CHPT1: variants seen among roughly 807,000 people sequenced by gnomAD.
The protein encoded by CHPT1 is choline phosphotransferase 1.
A neutral mutation model predicts 47.6 loss-of-function variants in CHPT1; 36 were observed. The ratio of observed to expected loss-of-function variants is 0.76; its 90% CI spans 0.58 to 1.00. The LOEUF (loss-of-function observed/expected upper bound fraction) is 1.00. Among genes scored for constraint, CHPT1 ranks in the 50% least tolerant of loss-of-function variants. The pLI, the probability that CHPT1 is intolerant of heterozygous loss-of-function variation, is 0.00. For synonymous variants in CHPT1, 194 were observed against 186.3 expected (o/e 1.04, Z -0.33); for missense variants, 458 against 498.1 (o/e 0.92, Z 0.77).
At chr12:101,723,573 G>A in intron 6 of CHPT1, 149 bp from the exon 7 acceptor site, 1 of 624,398 alleles carries the variant, frequency 1.6e-6, no homozygotes, top group East Asian at 3.0e-5. Flanking sequence ...CTACCCAGTT[G>A]TGAATTTGAG....
rs760019765 is a variant in CHPT1, at chr12:101,729,007, ATTTG to A, written c.*66_*69del. 3.7e-6 allele frequency: 6 copies of A among 1,613,160 alleles called. No individual in the cohort carries two copies. The South Asian group carries it at 4.4e-5, about 12-fold the overall frequency. ...TGTTTCATGGAAGGAGATATTAAAC[ATTTG>A]TTTAATTTTTATTTAAGTGTTATAC... is the stretch of plus-strand genomic sequence containing the variant. On this transcript the variant is annotated 3_prime_UTR_variant, in exon 9 of 9. Transcript: ENST00000229266.
In CHPT1 at chr12:101,723,786, T is replaced by C. The variant is rs757710976; in HGVS notation, c.1004T>C (p.Leu335Ser). The change falls in exon 7 of 9, where the codon TTG becomes TCG. Residue 335 changes from leucine (L) to serine (S), a missense_variant. Transcript: ENST00000229266. ...ACTGTCTTTTTGGGGCCAGGTCTTT[T>C]GTTTTTAGACCAGTACTTTAATAAC... ...QDTVFLGPGL[L>S]FLDQYFNNFI... The C allele has an allele frequency of 6.3e-7, 1 of 1,578,950 alleles. No individual in the cohort carries two copies. Among genetic ancestry groups the C allele is most frequent in the Admixed American group, 1.7e-5 (1 of 59,192 alleles).
intron 8 of CHPT1, 173 bp from the exon 9 acceptor site, chr12:101,728,728 A>G: frequency 1.5e-6 from 1 of 673,884 alleles, no homozygotes; most frequent in East Asian, 2.8e-5. Context: ...AAAGCTTAAT[A>G]CATATTCTTT....
At chr12:101,726,610 G>T (rs1476765953) in intron 8 of CHPT1, 10 of 637,954 alleles carry the variant, frequency 1.6e-5, no homozygotes, top group East Asian at 8.6e-5. Context: ...TTTTATCACA[G>T]ATGTTCTCAG....
intron 4 of CHPT1, 148 bp downstream of exon 4, chr12:101,716,960 A>T: frequency 1.8e-6 from 1 of 553,658 alleles, no homozygotes; most frequent in African/African-American, 1.9e-5. Flanking sequence ...CCATTTCTTA[A>T]CATTTTTTTC....
intron 3 of CHPT1, among the ~76,000 whole-genome samples, chr12:101,716,291 T>A (rs11110978): frequency 0.029 from 4,340 of 152,270 alleles, 121 homozygotes; most frequent in South Asian, 0.15. Context: ...ACTATTGGAA[T>A]TTTCCCTGCT....
chr12:101,714,067 T>G (rs1951730767), intron 1 of CHPT1, 23 bp from the exon 2 acceptor site: 1 of 1,542,080 alleles, frequency 6.5e-7, no homozygotes, highest in East Asian at 2.3e-5. Flanking sequence ...TAACAATCTT[T>G]ATTTTATTTA....
At position 101,723,324 on chromosome 12, in the gene CHPT1, G is replaced by C. The variant is rs1402708042; in HGVS notation, c.937G>C (p.Val313Leu). The change falls in exon 6 of 9, where the codon GTG becomes CTG. Residue 313 changes from valine (V) to leucine (L), a missense_variant and splice_region_variant. Coordinates refer to ENST00000229266, the MANE Select transcript of CHPT1 (RefSeq NM_020244.3). ...CTTTGCTAAAGTCTCACAAAAATTA[G>C]TGGTAAGAAATTTTTATTATTCATG... ...CVFAKVSQKL[V>L]VAHMTKSELY... The C allele has an allele frequency of 6.4e-7, 1 of 1,564,532 alleles. No homozygotes were observed. The highest frequency in any genetic ancestry group is 8.7e-7 in the Non-Finnish European group (1 of 1,149,802).
chr12:101,717,549 GAA>G (rs1425023829), intron 4 of CHPT1, among the ~76,000 whole-genome samples: 1 of 152,010 alleles, frequency 6.6e-6, no homozygotes, highest in African/African-American at 2.4e-5. Flanking sequence ...CTGCCCCTCA[GAA>G]CAATCCTATA....
chr12:101,714,539 T>A lies in CHPT1; in HGVS notation c.457T>A (p.Leu153Ile). Residue 153 changes from leucine (L) to isoleucine (I), a missense_variant, in exon 3 of 9, where the codon TTA becomes ATA. Physicochemically the swap from Leu to Ile is conservative, Grantham distance 5. Transcript: ENST00000229266. ...AGTGGGAGCTTCAATTGCCGCTCGCTTAGGAACTTATCCTGACTGGTTTTT... is the reference window on the plus strand; with the variant it reads ...AGTGGGAGCTTCAATTGCCGCTCGCATAGGAACTTATCCTGACTGGTTTTT... ...MAVGASIAARLGTYPDWFFFC... is the reference protein window; with the variant it reads ...MAVGASIAARIGTYPDWFFFC... The A allele has an allele frequency of 6.2e-7, 1 of 1,612,066 alleles. No individual in the cohort carries two copies. The highest frequency in any genetic ancestry group is 8.5e-7 in the Non-Finnish European group (1 of 1,179,214).
At chr12:101,713,746 G>A (rs1020402073) in intron 1 of CHPT1, among the ~76,000 whole-genome samples, 18 of 152,060 alleles carry the variant, frequency 1.2e-4, no homozygotes, top group Non-Finnish European at 2.2e-4. Flanking sequence ...GGCCCCTAAG[G>A]TCTTTTTTCA....
intron 1 of CHPT1, among the ~76,000 whole-genome samples, chr12:101,710,324 G>A (rs1332103627): frequency 6.7e-6 from 1 of 149,184 alleles, no homozygotes; most frequent in Non-Finnish European, 1.5e-5. Context: ...CAGCCTGGGC[G>A]ACAGAGCGAG....
rs945933524 is a variant in CHPT1, at chr12:101,714,079, A to AT, written c.274-5dup. 4 of 1,567,520 alleles carry AT rather than the reference A, an allele frequency of 2.6e-6. No individual in the cohort carries two copies. The highest frequency in any genetic ancestry group is 2.7e-5 in the African/African-American group (2 of 73,038). Reference sequence around the variant, plus strand: ...ACTTAACAATCTTTATTTTATTTACATTTTTTATAGGCACCATACTGGACA... The same window carrying AT: ...ACTTAACAATCTTTATTTTATTTACATTTTTTTATAGGCACCATACTGGACA... On this transcript the variant is annotated splice_polypyrimidine_tract_variant and intron_variant, in intron 1 of 8. Transcript: ENST00000229266.
intron 1 of CHPT1, among the ~76,000 whole-genome samples, chr12:101,698,362 T>G (rs1951497401): frequency 6.6e-6 from 1 of 152,288 alleles, no homozygotes; most frequent in South Asian, 2.1e-4. Flanking sequence ...GGAGGGGCTG[T>G]TAAGGTCACT....
intron 3 of CHPT1, among the ~76,000 whole-genome samples, chr12:101,716,481 A>C (rs529089143): frequency 1.1e-4 from 17 of 152,276 alleles, no homozygotes; most frequent in South Asian, 1.0e-3. Flanking sequence ...AACTATTAGC[A>C]ATTTGATATA....
intron 7 of CHPT1, among the ~76,000 whole-genome samples, chr12:101,725,427 C>A (rs1005061306): frequency 1.3e-5 from 2 of 152,028 alleles, no homozygotes; most frequent in African/African-American, 4.8e-5. Flanking sequence ...ATCAAAATAT[C>A]TAAAAACTCA....
At chr12:101,719,474 T>A in intron 4 of CHPT1, 1 of 1,127,050 alleles carries the variant, frequency 8.9e-7, no homozygotes, top group Non-Finnish European at 1.2e-6. Context: ...TTTAAATCCT[T>A]TGCTGCCTTT....
At chr12:101,725,415 T>C (rs1951926795) in intron 7 of CHPT1, among the ~76,000 whole-genome samples, 1 of 152,136 alleles carries the variant, frequency 6.6e-6, no homozygotes, top group South Asian at 2.1e-4. Context: ...AGGGGATAAT[T>C]AATCAAAATA....
At chr12:101,725,290 G>A (rs745691897) in intron 7 of CHPT1, among the ~76,000 whole-genome samples, 1 of 151,618 alleles carries the variant, frequency 6.6e-6, no homozygotes, top group Non-Finnish European at 1.5e-5. Flanking sequence ...GGTGGACAAT[G>A]AACGTTTTCA....
Sources: gnomAD v4.1 joint callset for allele counts (sites outside exome capture counted in the v4.1 genomes callset) on GRCh38, gnomAD v4.1.1 for gene constraint, MANE v1.5 for transcripts, NCBI Gene and HGNC (gene_info 2026-07-23, HGNC 2026-07-21) for gene names.